The following RIN2 variants were observed in gnomAD, a reference collection of about 807,000 sequenced individuals.
RIN2 encodes Ras and Rab interactor 2.
RIN2 carries 36 observed loss-of-function variants against 78.0 expected under a neutral mutation model. That is an observed-to-expected ratio of 0.46 (90% confidence interval 0.35 to 0.61). The LOEUF is 0.61. Ranked by LOEUF, RIN2 falls within the 20% of genes least tolerant of loss-of-function variation. The pLI is 0.00. For synonymous variants in RIN2, 466 were observed against 466.8 expected (o/e 1.00, Z 0.02); for missense variants, 1,087 against 1,159.7 (o/e 0.94, Z 0.91).
intron 9 of RIN2, among the ~76,000 whole-genome samples, chr20:19,977,198 G>T (rs2042305380): frequency 6.6e-6 from 1 of 152,112 alleles, no homozygotes; most frequent in African/African-American, 2.4e-5. Context: ...GTCAGAGGGG[G>T]GTGCAGCCAG....
At chr20:19,987,472 T>C (rs1183875341) in intron 9 of RIN2, among the ~76,000 whole-genome samples, 1 of 152,224 alleles carries the variant, frequency 6.6e-6, no homozygotes, top group Non-Finnish European at 1.5e-5. Flanking sequence ...TATAAATGGT[T>C]ATTTAAAATA....
In RIN2 at chr20:19,856,534, GA is replaced by G. The variant is rs566432595; in HGVS notation, c.-36-33020del. Among the ~76,000 whole-genome samples, 246 of 85,416 alleles carry G rather than the reference GA, an allele frequency of 2.9e-3. 4 individuals carry two copies. The highest frequency in any genetic ancestry group is 8.7e-3 in the African/African-American group (202 of 23,270). The allele number at this position is 85,416 out of a possible 152,430, so 56.0% of individuals were successfully genotyped here. On this transcript the variant is annotated intron_variant, in intron 2 of 12. Coordinates refer to ENST00000255006, the MANE Select transcript of RIN2 (RefSeq NM_018993.4). ...GGAGAGAGAGTGAGACTTTGTCTCA[GA>G]AAAAAAAAAAAGAGAGAGGGAGAGA... is the stretch of plus-strand genomic sequence containing the variant.
At chr20:19,812,415 A>G (rs6035446) in intron 2 of RIN2, among the ~76,000 whole-genome samples, 47,568 of 151,784 alleles carry the variant, frequency 0.31, 7,870 homozygotes, top group African/African-American at 0.43. Context: ...ATTCTGATAG[A>G]TGTGTTGTGG....
chr20:19,766,928 GAAAA>G (rs1285986353), intron 1 of RIN2, among the ~76,000 whole-genome samples: 2 of 148,216 alleles, frequency 1.3e-5, no homozygotes, highest in African/African-American at 2.5e-5. Flanking sequence ...AAAAAAAAAA[GAAAA>G]AAAAGAGTGA....
Position 19,935,099 on chromosome 20 carries a change from C to T in RIN2, c.58C>T (p.Leu20Phe). The T allele has an allele frequency of 6.3e-7, 1 of 1,589,102 alleles. No homozygotes were observed. Among genetic ancestry groups the T allele is most frequent in the Non-Finnish European group, 8.6e-7 (1 of 1,167,544 alleles). Residue 20 changes from leucine to phenylalanine, a missense_variant and splice_region_variant, in exon 4 of 13, where the codon CTC becomes TTC. Around this residue, in one of 8 missense-constraint regions of RIN2, gnomAD observed 706 missense variants for 667.5 expected, o/e 1.06. Transcript: ENST00000255006. ...TCATACTATTTTTGTCTTTGAATAG[C>T]TCATTGACACAATTGCCTCGGAGAT... is the stretch of plus-strand genomic sequence containing the variant. ...GLDKRGSFFKLIDTIASEIGE... is the reference protein window; with the variant it reads ...GLDKRGSFFKFIDTIASEIGE...
chr20:19,765,067 C>T (rs939402102), intron 1 of RIN2, among the ~76,000 whole-genome samples: 4 of 151,654 alleles, frequency 2.6e-5, no homozygotes, highest in Admixed American at 2.6e-4. Flanking sequence ...CCAGGCTGGT[C>T]TCGAACTCCT....
At chr20:19,883,259 A>T (rs1297653709) in intron 2 of RIN2, among the ~76,000 whole-genome samples, 1 of 152,060 alleles carries the variant, frequency 6.6e-6, no homozygotes, top group Non-Finnish European at 1.5e-5. Flanking sequence ...CAGGAGGCTA[A>T]TTCTTAAATG....
chr20:19,923,945 A>G (rs1372822464), intron 3 of RIN2, among the ~76,000 whole-genome samples: 1 of 151,882 alleles, frequency 6.6e-6, no homozygotes, highest in Non-Finnish European at 1.5e-5. Context: ...TTTGCAATGA[A>G]AAATGAAGGG....
At chr20:19,964,699 G>C (rs911003782) in intron 6 of RIN2, among the ~76,000 whole-genome samples, 40 of 152,214 alleles carry the variant, frequency 2.6e-4, no homozygotes, top group African/African-American at 8.7e-4. Context: ...TGTGCAACTC[G>C]AGTCTGTCCT....
chr20:19,990,326 A>G lies in RIN2; in HGVS notation c.2068+15A>G. 5 of 1,596,398 alleles carry G rather than the reference A, an allele frequency of 3.1e-6. No individual in the cohort carries two copies. The highest frequency in any genetic ancestry group is 8.6e-7 in the Non-Finnish European group (1 of 1,167,848). ...GAACAACTCAGGTGAGGCCGCTGGA[A>G]GCCCAGGCTTCGTGCCGCTTCCCTT... On this transcript the variant is annotated intron_variant, in intron 10 of 12. Coordinates refer to ENST00000255006, the MANE Select transcript of RIN2 (RefSeq NM_018993.4).
intron 3 of RIN2, chr20:19,895,963 A>G (rs1021434323): frequency 6.6e-6 from 1 of 152,214 alleles, no homozygotes; most frequent in African/African-American, 2.4e-5. Context: ...TCTGCCAAGC[A>G]AAATTTTTCA....
intron 1 of RIN2, among the ~76,000 whole-genome samples, chr20:19,774,396 G>A (rs2034239177): frequency 1.3e-5 from 2 of 152,112 alleles, no homozygotes. Flanking sequence ...TTTTCTTACA[G>A]GAGCATATAA....
At chr20:19,938,530 A>C (rs1216877720) in intron 4 of RIN2, among the ~76,000 whole-genome samples, 1 of 151,404 alleles carries the variant, frequency 6.6e-6, no homozygotes, top group Non-Finnish European at 1.5e-5. Flanking sequence ...TGGCTGAGCC[A>C]CTCCTTTTCA....
chr20:19,985,935 A>G (rs985426770), intron 9 of RIN2, among the ~76,000 whole-genome samples: 2 of 152,324 alleles, frequency 1.3e-5, no homozygotes, highest in Admixed American at 6.5e-5. Context: ...CATCTGTGAA[A>G]TGAAAACATA....
intron 6 of RIN2, 60 bp from the exon 7 acceptor site, chr20:19,964,892 T>C (rs952658505): frequency 2.1e-6 from 3 of 1,421,824 alleles, no homozygotes; most frequent in Admixed American, 3.3e-5. Context: ...TGTTAGGGGC[T>C]CTTCCTGTCC....
chr20:19,918,444 C>G (rs1213174009), intron 3 of RIN2, among the ~76,000 whole-genome samples: 1 of 151,782 alleles, frequency 6.6e-6, no homozygotes, highest in Non-Finnish European at 1.5e-5. Flanking sequence ...TTAAAGCTGG[C>G]TCCAAATGGG....
chr20:19,826,833 C>T (rs1341332434), intron 2 of RIN2, among the ~76,000 whole-genome samples: 2 of 152,122 alleles, frequency 1.3e-5, no homozygotes, highest in Non-Finnish European at 2.9e-5. Context: ...CTCTTAGGCA[C>T]AAATTTTTTT....
chr20:19,848,534 CAAAAAAAAA>C (rs11352724), intron 2 of RIN2, among the ~76,000 whole-genome samples: 3 of 52,838 alleles, frequency 5.7e-5, no homozygotes, highest in Non-Finnish European at 1.3e-4. Flanking sequence ...GACTCCATCT[CAAAAAAAAA>C]AAAAAAAAAA....
At chr20:19,873,088 T>C (rs117188235) in intron 2 of RIN2, among the ~76,000 whole-genome samples, 4,530 of 151,970 alleles carry the variant, frequency 0.03, 118 homozygotes, top group Non-Finnish European at 0.044. Flanking sequence ...TAACACACTT[T>C]TTCTTTTTTT....
Sources: gnomAD v4.1 joint callset for allele counts (sites outside exome capture counted in the v4.1 genomes callset) on GRCh38, gnomAD v4.1.1 for gene constraint, gnomAD v4.1.1 regional missense constraint, MANE v1.5 for transcripts, NCBI Gene and HGNC (gene_info 2026-07-23, HGNC 2026-07-21) for gene names.